CDYL2: variants seen among roughly 807,000 people sequenced by gnomAD.
The protein encoded by CDYL2 is chromodomain Y-like protein 2.
A neutral mutation model predicts 49.4 loss-of-function variants in CDYL2; 23 were observed. The ratio of observed to expected loss-of-function variants is 0.47; its 90% confidence interval spans 0.34 to 0.66. CDYL2 has a LOEUF of 0.66. Among genes scored for constraint, CDYL2 ranks in the 30% least tolerant of loss-of-function variants. The pLI is 0.01. For missense variants in CDYL2, 678 were observed against 656.4 expected (o/e 1.03, Z -0.36); for synonymous variants, 360 against 268.8 (o/e 1.34, Z -3.32).
chr16:80,654,686 C>A (rs767323820), intron 2 of CDYL2, among the ~76,000 whole-genome samples: 1 of 152,174 alleles, frequency 6.6e-6, no homozygotes, highest in Non-Finnish European at 1.5e-5. Flanking sequence ...TCCACCAAAC[C>A]CTGCTACATG....
At chr16:80,608,923 T>A (rs1040911446) in intron 5 of CDYL2, among the ~76,000 whole-genome samples, 15 of 152,252 alleles carry the variant, frequency 9.9e-5, no homozygotes, top group African/African-American at 1.9e-4. Context: ...GCTCCTTTTT[T>A]AAAAATTAAA....
intron 2 of CDYL2, among the ~76,000 whole-genome samples, chr16:80,640,341 C>A (rs1014457101): frequency 6.6e-6 from 1 of 152,172 alleles, no homozygotes; most frequent in African/African-American, 2.4e-5. Flanking sequence ...AGAAGGGAAC[C>A]TGCTGCCTTC....
chr16:80,771,418 A>T (rs1906900303), intron 1 of CDYL2, among the ~76,000 whole-genome samples: 1 of 152,162 alleles, frequency 6.6e-6, no homozygotes, highest in Admixed American at 6.5e-5. Context: ...ATACAAACGA[A>T]AACTGGCCAG....
chr16:80,763,986 G>C lies in CDYL2; in HGVS notation c.24+40164C>G, dbSNP rs868711629. 6.6e-5 allele frequency among the ~76,000 whole-genome samples: 10 copies of C among 152,040 alleles called. No individual in the cohort carries two copies. The South Asian group carries it at 1.7e-3, about 25-fold the overall frequency. On this transcript the variant is annotated intron_variant, in intron 1 of 6. Transcript: ENST00000570137. The stretch of plus-strand genomic sequence containing the variant: ...AAAGAGGGGTATTGAAAATGAATTA[G>C]GGTACCCAGGAAAAGCACTGGAGAA...
chr16:80,685,192 G>A (rs1910141641), intron 1 of CDYL2, 63 bp from the exon 2 acceptor site: 2 of 1,295,584 alleles, frequency 1.5e-6, no homozygotes, highest in Non-Finnish European at 1.1e-6. Flanking sequence ...TCAGTTCGAG[G>A]CAACAAGAAC....
At chr16:80,712,020 T>C (rs1010274620) in intron 1 of CDYL2, among the ~76,000 whole-genome samples, 6 of 141,166 alleles carry the variant, frequency 4.3e-5, no homozygotes, top group Non-Finnish European at 8.2e-5. Flanking sequence ...TATGTGTGTA[T>C]ATATATGTGT....
rs1361696127 is a variant in CDYL2, at chr16:80,638,116, C to T, written c.617-4880G>A. ...TTGAGACAAGGTCTTGCTGTGTCAC[C>T]CAGGCTGGAGTACAGTGCTGCTATC... On this transcript the variant is annotated intron_variant, in intron 2 of 6. Transcript: ENST00000570137. Among the ~76,000 whole-genome samples the T allele has an allele frequency of 6.6e-5, 10 of 152,142 alleles. No individual in the cohort carries two copies. The East Asian group carries it at 1.2e-3, about 18-fold the overall frequency.
intron 1 of CDYL2, among the ~76,000 whole-genome samples, chr16:80,699,419 T>C (rs1167774227): frequency 6.6e-6 from 1 of 152,174 alleles, no homozygotes; most frequent in African/African-American, 2.4e-5. Flanking sequence ...GGCATAGAAA[T>C]ACAAATACCA....
intron 1 of CDYL2, among the ~76,000 whole-genome samples, chr16:80,708,076 G>A (rs142277925): frequency 2.0e-5 from 3 of 152,294 alleles, no homozygotes; most frequent in African/African-American, 7.2e-5. Context: ...CCCCATAGGA[G>A]GTTGTAGAGG....
chr16:80,622,801 T>G (rs962300002), intron 3 of CDYL2, among the ~76,000 whole-genome samples: 3 of 152,176 alleles, frequency 2.0e-5, no homozygotes, highest in African/African-American at 7.2e-5. Flanking sequence ...CCATGAAAGC[T>G]AACTGTGTTT....
chr16:80,738,885 C>A (rs140359022), intron 1 of CDYL2: 101 of 152,256 alleles, frequency 6.6e-4, no homozygotes, highest in African/African-American at 2.4e-3. Context: ...ATTTCTAATT[C>A]TTGTGAAAAT....
At chr16:80,758,492 T>C (rs908017155) in intron 1 of CDYL2, among the ~76,000 whole-genome samples, 5 of 150,800 alleles carry the variant, frequency 3.3e-5, no homozygotes, top group Non-Finnish European at 7.4e-5. Flanking sequence ...AGGATTTTAA[T>C]ATACCATACA....
intron 1 of CDYL2, among the ~76,000 whole-genome samples, chr16:80,685,966 G>C (rs553897033): frequency 1.3e-5 from 2 of 152,350 alleles, no homozygotes; most frequent in African/African-American, 2.4e-5. Flanking sequence ...ACAGCTAGGA[G>C]GCAAAGAGAT....
chr16:80,612,658 A>G lies in CDYL2; in HGVS notation c.1186T>C (p.Tyr396His), dbSNP rs889851733. ...ACGCCCAGGATCTGGGGGAAGGTGTAGGAGGAGCAGCCAGCAGGCGTGAGG... is the reference window on the plus strand; with the variant it reads ...ACGCCCAGGATCTGGGGGAAGGTGTGGGAGGAGCAGCCAGCAGGCGTGAGG... ...IRLTPAGCSS[Y>H]TFPQILGVAL... Residue 396 changes from tyrosine to histidine, a missense_variant, in exon 5 of 7, where the codon TAC (tyrosine) becomes CAC (histidine). By Grantham distance (83) the Tyr-to-His change is moderately conservative. Transcript: ENST00000570137. The surrounding 1 kb of genome is among the most constrained non-coding windows in gnomAD (Gnocchi z 5.0). 1 of 1,612,498 alleles carries G rather than the reference A, an allele frequency of 6.2e-7. No homozygotes were observed.
At chr16:80,731,712 C>G (rs931049114) in intron 1 of CDYL2, among the ~76,000 whole-genome samples, 2 of 152,114 alleles carry the variant, frequency 1.3e-5, no homozygotes, top group Admixed American at 6.6e-5. Flanking sequence ...TGATTCTCAA[C>G]CTAGAATTCT....
At chr16:80,761,020 C>T (rs985447814) in intron 1 of CDYL2, among the ~76,000 whole-genome samples, 1 of 152,148 alleles carries the variant, frequency 6.6e-6, no homozygotes, top group Non-Finnish European at 1.5e-5. Context: ...GTGCAATAGA[C>T]TTCAGAATGT....
At chr16:80,616,913 G>A (rs773740193) in intron 4 of CDYL2, among the ~76,000 whole-genome samples, 5 of 152,208 alleles carry the variant, frequency 3.3e-5, no homozygotes, top group Non-Finnish European at 5.9e-5. Context: ...TAGGCACAGA[G>A]AGATCCATGA....
chr16:80,608,810 A>G (rs12922378), intron 5 of CDYL2, among the ~76,000 whole-genome samples: 1,577 of 151,990 alleles, frequency 0.01, 15 homozygotes, highest in Non-Finnish European at 0.017. Flanking sequence ...GAGAGAGAGA[A>G]AGATTAAGAG....
chr16:80,757,553 A>ATATATAT (rs201163216), intron 1 of CDYL2, among the ~76,000 whole-genome samples: 3 of 143,858 alleles, frequency 2.1e-5, no homozygotes, highest in African/African-American at 8.0e-5. Flanking sequence ...AAAAAAAAAA[A>ATATATAT]ATATATATAT....
Sources: allele counts gnomAD v4.1 joint callset (sites outside exome capture counted in the v4.1 genomes callset), GRCh38; gene constraint gnomAD v4.1.1; non-coding constraint Gnocchi (gnomAD v3.1); transcripts MANE v1.5; gene names NCBI Gene and HGNC (gene_info 2026-07-23, HGNC 2026-07-21).